FBXL16: variants seen among roughly 807,000 people sequenced by gnomAD.
FBXL16 encodes the protein F-box/LRR-repeat protein 16.
Under a neutral mutation model 36.7 loss-of-function variants are expected in FBXL16, and 7 were observed. That is an observed-to-expected ratio of 0.19 (90% confidence interval 0.11 to 0.36). The LOEUF (loss-of-function observed/expected upper bound fraction) is 0.36, where lower values mean the gene tolerates loss of function less well. FBXL16 is among the 10% of genes least tolerant of loss of function. FBXL16 has a pLI of 1.00. For synonymous variants in FBXL16, 355 were observed against 308.7 expected, an observed-to-expected ratio of 1.15 and a Z score of -1.57; for missense variants, 463 against 659.4, an observed-to-expected ratio of 0.70 and a Z score of 3.26.
At chr16:704,297 C>T (rs1482074564) in intron 1 of FBXL16, among the ~76,000 whole-genome samples, 1 of 152,184 alleles carries the variant, frequency 6.6e-6, no homozygotes, top group African/African-American at 2.4e-5. Context: ...TCCAGCCGCC[C>T]CGGAAGTGGG....
chr16:699,082 C>T (rs1374063290), intron 1 of FBXL16, among the ~76,000 whole-genome samples: 1 of 152,202 alleles, frequency 6.6e-6, no homozygotes, highest in Non-Finnish European at 1.5e-5. Context: ...CCAATGAGAA[C>T]GATGCTGTGA....
chr16:704,946 C>CG (rs2040080989), intron 1 of FBXL16, among the ~76,000 whole-genome samples: 1 of 152,204 alleles, frequency 6.6e-6, no homozygotes, highest in South Asian at 2.1e-4. Flanking sequence ...CTGAAGGTGC[C>CG]GTTTCCCTTC....
Position 695,577 on chromosome 16 carries a change from A to T in FBXL16, c.980T>A (p.Leu327His), listed in dbSNP as rs1331575944. 1 of 1,605,478 alleles carries T rather than the reference A, an allele frequency of 6.2e-7. No individual in the cohort carries two copies. The change falls in exon 3 of 6, where the codon CTC (leucine) becomes CAC (histidine). Residue 327 changes from leucine (L) to histidine (H), a missense_variant. Leu to His is a moderately conservative substitution (Grantham distance 99). Transcript: ENST00000397621. ...GTCGGTGACCTTGGAGCAGCCCGAG[A>T]GGCTGAGCGCGGTGAGGTTGGGCAG... ...HSLPNLTALS[L>H]SGCSKVTDDG...
In FBXL16 at chr16:696,791, G is replaced by A; in HGVS notation, c.615C>T (p.Ile205=). The A allele has an allele frequency of 7.8e-7, 1 of 1,283,390 alleles. No individual in the cohort carries two copies. Among genetic ancestry groups the A allele is most frequent in the Non-Finnish European group, 9.9e-7 (1 of 1,009,054 alleles). 79.5% of individuals were successfully genotyped at this position (1,283,390 alleles called of 1,614,324 possible). A position where few individuals can be genotyped will look rare whatever the true frequency, so the allele number is the denominator to read the frequency against. The part of the protein sequence containing the change: ...VKAMSLKRST[I]TDAGLEVMLE... ...TGCACACCTCGAGGCCTGCGTCCGTGATGGTGGAGCGCTTGAGGCTCATGG... is the reference window on the plus strand; with the variant it reads ...TGCACACCTCGAGGCCTGCGTCCGTAATGGTGGAGCGCTTGAGGCTCATGG... Residue 205 remains isoleucine, a synonymous_variant, in exon 2 of 6, where the codon ATC becomes ATT. Coordinates refer to ENST00000397621, the MANE Select transcript of FBXL16 (RefSeq NM_153350.4).
intron 3 of FBXL16, 30 bp downstream of exon 3, chr16:695,385 C>G: frequency 6.8e-7 from 1 of 1,481,430 alleles, no homozygotes; most frequent in South Asian, 1.3e-5. Flanking sequence ...CCCGGCCCAG[C>G]CCCGCCCGGC....
In FBXL16 at chr16:697,502, T is replaced by G. The variant is rs897747308; in HGVS notation, c.-14-83A>C. On this transcript the variant is annotated intron_variant, in intron 1 of 5. Transcript: ENST00000397621. The surrounding 1 kb of genome is among the most constrained non-coding windows in gnomAD (Gnocchi z 4.6). The stretch of plus-strand genomic sequence containing the variant: ...TTGGGGGCGGGTGCAGTGGGGCTCC[T>G]TCCCTCCTTGGGCGTCCCTATGGTG... 79 of 1,441,008 alleles carry G rather than the reference T, an allele frequency of 5.5e-5. No homozygotes were observed. The highest frequency in any genetic ancestry group is 6.3e-5 in the Non-Finnish European group (69 of 1,094,086). 89.3% of individuals were successfully genotyped at this position (1,441,008 alleles called of 1,614,324 possible). A position where few individuals can be genotyped will look rare whatever the true frequency, so the allele number is the denominator to read the frequency against.
At chr16:696,225 G>GTATT (rs766142167) in intron 2 of FBXL16, among the ~76,000 whole-genome samples, 6,367 of 150,598 alleles carry the variant, frequency 0.042, 438 homozygotes, top group African/African-American at 0.14. Flanking sequence ...CACTGCATTT[G>GTATT]TATTTATTTA....
At chr16:696,379 GTGT>G (rs2040011629) in intron 2 of FBXL16, among the ~76,000 whole-genome samples, 1 of 152,106 alleles carries the variant, frequency 6.6e-6, no homozygotes, top group East Asian at 1.9e-4. Flanking sequence ...TCCTGCCTCA[GTGT>G]CCTCCCAAGT....
intron 5 of FBXL16, 105 bp downstream of exon 5, chr16:694,529 T>A: frequency 1.3e-6 from 2 of 1,512,698 alleles, no homozygotes; most frequent in Non-Finnish European, 1.8e-6. Context: ...GGACTGTGTG[T>A]CCGCGCCGGG....
In FBXL16 at chr16:705,770, C is replaced by G. The variant is rs891530008; in HGVS notation, c.-273G>C. On this transcript the variant is annotated 5_prime_UTR_variant, in exon 1 of 6. Transcript: ENST00000397621. ...GAGGCTGTGCCCAGATAAATAAGGC[C>G]GCTTTGCAGGGAACCAGGCGGGCGC... 10 of 148,916 alleles carry G rather than the reference C, an allele frequency of 6.7e-5. No individual in the cohort carries two copies. The highest frequency in any genetic ancestry group is 1.0e-4 in the Non-Finnish European group (7 of 66,820). 9.2% of individuals were successfully genotyped at this position (148,916 alleles called of 1,614,324 possible).
At chr16:699,385 C>T (rs1348182709) in intron 1 of FBXL16, among the ~76,000 whole-genome samples, 4 of 152,210 alleles carry the variant, frequency 2.6e-5, no homozygotes, top group African/African-American at 7.2e-5. Flanking sequence ...CTCCACAGTT[C>T]GGATCTCCTG....
Position 694,552 on chromosome 16 carries a change from C to G in FBXL16, c.1291+82G>C. The G allele has an allele frequency of 2.6e-6, 4 of 1,527,282 alleles. No individual in the cohort carries two copies. The Admixed American group carries it at 5.9e-5, about 22-fold the overall frequency. The allele number at this position is 1,527,282 out of a possible 1,614,324, so 94.6% of individuals were successfully genotyped here. On this transcript the variant is annotated intron_variant, in intron 5 of 5. Transcript: ENST00000397621. The stretch of plus-strand genomic sequence containing the variant: ...TGTCCGCGCCGGGTGTGAGTTTGCA[C>G]AAGGACCGGGCAGGTTGGGCGGGTG...
chr16:695,151 C>A (rs1470837821), intron 3 of FBXL16, 75 bp from the exon 4 acceptor site: 3 of 1,470,090 alleles, frequency 2.0e-6, no homozygotes. Flanking sequence ...CTGGGAGTGC[C>A]CCTGGCGTGA....
At chr16:699,844 C>A (rs994859319) in intron 1 of FBXL16, among the ~76,000 whole-genome samples, 1 of 152,124 alleles carries the variant, frequency 6.6e-6, no homozygotes. Flanking sequence ...GAGTCTCCCA[C>A]GAAGATTCCA....
At chr16:695,146 A>G in intron 3 of FBXL16, 70 bp from the exon 4 acceptor site, 1 of 1,492,096 alleles carries the variant, frequency 6.7e-7, no homozygotes, top group Non-Finnish European at 9.1e-7. Context: ...TCTTCCTGGG[A>G]GTGCCCCTGG....
Position 695,395 on chromosome 16 carries a change from CGCGGCCCGGG to C in FBXL16, c.1142+10_1142+19del, listed in dbSNP as rs1322692503. 6.6e-7 allele frequency: 1 copy of C among 1,505,958 alleles called. No homozygotes were observed. Among genetic ancestry groups the C allele is most frequent in the Non-Finnish European group, 8.8e-7 (1 of 1,130,298 alleles). 93.3% of individuals were successfully genotyped at this position (1,505,958 alleles called of 1,614,324 possible). A position where few individuals can be genotyped will look rare whatever the true frequency, so the allele number is the denominator to read the frequency against. On this transcript the variant is annotated intron_variant, in intron 3 of 5. Coordinates refer to ENST00000397621, the MANE Select transcript of FBXL16 (RefSeq NM_153350.4). ...CCCCGCCCGGCCCAGCCCCGCCCGG[CGCGGCCCGGG>C]GGCGCGCACCTGTCGAGCACGAGCT...
Position 700,374 on chromosome 16 carries a change from C to G in FBXL16, c.-14-2955G>C, listed in dbSNP as rs575425876. On this transcript the variant is annotated intron_variant, in intron 1 of 5. Coordinates refer to ENST00000397621, the MANE Select transcript of FBXL16 (RefSeq NM_153350.4). The stretch of plus-strand genomic sequence containing the variant: ...AGGAGGCACCCACAGCCGGTGACCC[C>G]CATCATGTGCCCATGATCAGAAGGC... 2.0e-5 allele frequency among the ~76,000 whole-genome samples: 3 copies of G among 152,324 alleles called. No homozygotes were observed. In the East Asian group the frequency reaches 5.8e-4, roughly 29 times the overall value.
intron 1 of FBXL16, among the ~76,000 whole-genome samples, chr16:702,797 A>T (rs2040066764): frequency 6.6e-6 from 1 of 152,194 alleles, no homozygotes; most frequent in African/African-American, 2.4e-5. Context: ...TGCAATACAC[A>T]GAGCCTTCGG....
chr16:705,180 C>A (rs770291138), intron 1 of FBXL16, among the ~76,000 whole-genome samples: 1 of 152,184 alleles, frequency 6.6e-6, no homozygotes, highest in Non-Finnish European at 1.5e-5. Flanking sequence ...GCCCTCTGAG[C>A]CGACCAGGCG....
Sources: allele counts gnomAD v4.1 joint callset (sites outside exome capture counted in the v4.1 genomes callset), GRCh38; gene constraint gnomAD v4.1.1; non-coding constraint Gnocchi (gnomAD v3.1); transcripts MANE v1.5; gene names NCBI Gene and HGNC (gene_info 2026-07-23, HGNC 2026-07-21).